Variants in CEP97 observed in about 807,000 individuals in gnomAD.
CEP97 encodes the protein centrosomal protein 97.
CEP97 carries 43 observed loss-of-function variants against 73.1 expected under a neutral mutation model. The ratio of observed to expected loss-of-function variants is 0.59; its 90% CI spans 0.46 to 0.76. The LOEUF is 0.76. CEP97 is among the 30% of genes least tolerant of loss of function. CEP97 has a pLI of 0.00. For missense variants in CEP97, 939 were observed against 1,014.0 expected (o/e 0.93, Z 1.00); for synonymous variants, 337 against 370.0 (o/e 0.91, Z 1.02).
chr3:101,733,592 G>A (rs188700382), intron 6 of CEP97, among the ~76,000 whole-genome samples: 2 of 151,268 alleles, frequency 1.3e-5, no homozygotes, highest in Admixed American at 6.6e-5. Flanking sequence ...GTGCAGTGGC[G>A]GGATCTCGGC....
chr3:101,751,406 A>T (rs1938815227), intron 6 of CEP97, among the ~76,000 whole-genome samples: 1 of 152,032 alleles, frequency 6.6e-6, no homozygotes, highest in African/African-American at 2.4e-5. Flanking sequence ...TGGGGTGGAG[A>T]GTTCTGTAGA....
intron 8 of CEP97, 120 bp downstream of exon 8, chr3:101,757,316 C>A (rs1424514113): frequency 2.8e-6 from 3 of 1,074,662 alleles, no homozygotes; most frequent in South Asian, 1.7e-5. Context: ...CTTCAGTAAT[C>A]ATTTAGATCT....
chr3:101,747,384 C>T (rs796698069), intron 6 of CEP97, among the ~76,000 whole-genome samples: 55 of 151,378 alleles, frequency 3.6e-4, no homozygotes, highest in African/African-American at 1.3e-3. Context: ...CTCAGCCTCC[C>T]GAGTAGCTGG....
intron 1 of CEP97, 141 bp downstream of exon 1, chr3:101,724,860 T>G: frequency 1.2e-6 from 1 of 869,494 alleles, no homozygotes; most frequent in Non-Finnish European, 1.8e-6. Context: ...GGAGGCGGGC[T>G]ACCCTCTGGG....
At chr3:101,753,990 C>T (rs2449494) in intron 6 of CEP97, among the ~76,000 whole-genome samples, 1 of 146,740 alleles carries the variant, frequency 6.8e-6, no homozygotes, top group Non-Finnish European at 1.5e-5. Context: ...CACCCATCTT[C>T]TGCATCGCTC....
intron 6 of CEP97, among the ~76,000 whole-genome samples, chr3:101,740,377 G>T (rs927198487): frequency 1.3e-5 from 2 of 152,146 alleles, no homozygotes; most frequent in Non-Finnish European, 2.9e-5. Flanking sequence ...TTGCTGCAAA[G>T]AGACTAAAAT....
At chr3:101,758,760 A>G in intron 9 of CEP97, 1 of 232,590 alleles carries the variant, frequency 4.3e-6, no homozygotes, top group South Asian at 7.8e-5. Context: ...GAAGATGATG[A>G]AGTCTACATG....
At chr3:101,755,741 G>A (rs1938986784) in intron 7 of CEP97, 147 bp downstream of exon 7, 7 of 758,890 alleles carry the variant, frequency 9.2e-6, no homozygotes, top group Non-Finnish European at 1.5e-5. Context: ...GTTCCTGCAG[G>A]GAAGCTGAAT....
chr3:101,748,832 G>C (rs891654012), intron 6 of CEP97, among the ~76,000 whole-genome samples: 1 of 152,068 alleles, frequency 6.6e-6, no homozygotes, highest in African/African-American at 2.4e-5. Context: ...AGTAGAGACG[G>C]GGTTTCACCG....
intron 6 of CEP97, among the ~76,000 whole-genome samples, chr3:101,746,935 C>T (rs1374739692): frequency 4.7e-5 from 7 of 148,144 alleles, no homozygotes; most frequent in Non-Finnish European, 1.0e-4. Flanking sequence ...AAAATGCTCA[C>T]CATCACTGGC....
At chr3:101,745,788 G>A (rs1489603206) in intron 6 of CEP97, among the ~76,000 whole-genome samples, 4 of 150,656 alleles carry the variant, frequency 2.7e-5, no homozygotes, top group Non-Finnish European at 4.4e-5. Flanking sequence ...AAGTTTTAGG[G>A]TACATGTGCA....
chr3:101,765,417 C>G lies in CEP97; in HGVS notation c.2464C>G (p.His822Asp). Reference protein sequence around the residue: ...LSDGASVDESHGISPPLQGEI... With the variant: ...LSDGASVDESDGISPPLQGEI... ...TGACGGTGCTTCTGTAGATGAGAGT[C>G]ATGGCATATCTCCTCCTTTGCAAGG... Residue 822 changes from histidine to aspartate, a missense_variant, in exon 11 of 11, where the codon CAT becomes GAT. His to Asp is a moderately conservative substitution (Grantham distance 81). Coordinates refer to ENST00000341893, the MANE Select transcript of CEP97 (RefSeq NM_024548.4). The G allele has an allele frequency of 1.9e-6, 3 of 1,614,118 alleles. No individual in the cohort carries two copies. Among genetic ancestry groups the G allele is most frequent in the Non-Finnish European group, 2.5e-6 (3 of 1,180,014 alleles).
At chr3:101,738,011 C>G (rs987645123) in intron 6 of CEP97, among the ~76,000 whole-genome samples, 2 of 44,222 alleles carry the variant, frequency 4.5e-5, no homozygotes, top group East Asian at 8.6e-4. Flanking sequence ...AAATGGAAAG[C>G]AAAAAAAAAA....
intron 10 of CEP97, among the ~76,000 whole-genome samples, chr3:101,762,782 T>C (rs953016904): frequency 4.6e-5 from 7 of 152,124 alleles, no homozygotes; most frequent in African/African-American, 7.2e-5. Flanking sequence ...AAAAACAAAA[T>C]AGTATAAAGC....
chr3:101,726,511 A>G (rs1451071712), intron 1 of CEP97, 83 bp from the exon 2 acceptor site: 6 of 1,015,724 alleles, frequency 5.9e-6, no homozygotes, highest in Non-Finnish European at 8.4e-6. Context: ...TGGTATAGAG[A>G]TTTTATAATT....
intron 10 of CEP97, chr3:101,763,030 A>G (rs1461176781): frequency 1.7e-6 from 2 of 1,203,532 alleles, no homozygotes; most frequent in East Asian, 5.8e-5. Flanking sequence ...TTTTACTAGC[A>G]TTGTATCACA....
At chr3:101,738,011 C>CAAAAAAAAAAAAAAAAA (rs770745532) in intron 6 of CEP97, among the ~76,000 whole-genome samples, 49 of 44,198 alleles carry the variant, frequency 1.1e-3, no homozygotes, top group African/African-American at 1.4e-3. Flanking sequence ...AAATGGAAAG[C>CAAAAAAAAAAAAAAAAA]AAAAAAAAAA....
In CEP97 at chr3:101,757,888, T is replaced by C. The variant is rs77015203; in HGVS notation, c.1282T>C (p.Leu428=). The C allele has an allele frequency of 6.2e-6, 10 of 1,614,106 alleles. No individual in the cohort carries two copies. The highest frequency in any genetic ancestry group is 1.3e-5 in the African/African-American group (1 of 74,940). The change falls in exon 9 of 11, where the codon TTG becomes CTG. Residue 428 remains leucine, a synonymous_variant. Coordinates refer to ENST00000341893, the MANE Select transcript of CEP97 (RefSeq NM_024548.4). ...TVELRLQGIN[L]GLEDDGVADE... Reference sequence around the variant, plus strand: ...TGAGCTGAGGCTGCAGGGCATTAACTTGGGCCTAGAAGATGATGGTGTTGC... The same window carrying C: ...TGAGCTGAGGCTGCAGGGCATTAACCTGGGCCTAGAAGATGATGGTGTTGC...
In CEP97 at chr3:101,728,946, G is replaced by A; in HGVS notation, c.447+9G>A. On this transcript the variant is annotated intron_variant, in intron 4 of 10. Coordinates refer to ENST00000341893, the MANE Select transcript of CEP97 (RefSeq NM_024548.4). ...AATTGGTATCCCTGAAAGTAAGTAT[G>A]TTTTCTTTGTCATTTGTGAAGTTTT... 4 of 1,388,282 alleles carry A rather than the reference G, an allele frequency of 2.9e-6. No homozygotes were observed. The East Asian group carries it at 6.8e-5, about 24-fold the overall frequency. The allele number at this position is 1,388,282 out of a possible 1,614,324, so 86.0% of individuals were successfully genotyped here.
Sources: gnomAD v4.1 joint callset for allele counts (sites outside exome capture counted in the v4.1 genomes callset) on GRCh38, gnomAD v4.1.1 for gene constraint, MANE v1.5 for transcripts, NCBI Gene and HGNC (gene_info 2026-07-23, HGNC 2026-07-21) for gene names.